Variants in SPOCK3 observed in about 807,000 individuals in gnomAD.
SPOCK3 encodes the protein testican-3.
Under a neutral mutation model 56.6 loss-of-function variants are expected in SPOCK3, and 30 were observed. The observed-to-expected ratio is 0.53, with a 90% CI of 0.40 to 0.72. The LOEUF (loss-of-function observed/expected upper bound fraction) is 0.72, where lower values mean the gene tolerates loss of function less well. SPOCK3 is among the 30% of genes least tolerant of loss of function. SPOCK3 has a pLI of 0.00. For synonymous variants in SPOCK3, 196 were observed against 183.3 expected (o/e 1.07, Z -0.56); for missense variants, 527 against 530.0 (o/e 0.99, Z 0.06).
intron 6 of SPOCK3, among the ~76,000 whole-genome samples, chr4:166,819,517 A>T (rs977802011): frequency 2.0e-5 from 3 of 152,128 alleles, no homozygotes; most frequent in African/African-American, 7.2e-5. Flanking sequence ...GAACTAATAA[A>T]GGAGTTCAGT....
chr4:167,201,549 G>A (rs938008753), intron 2 of SPOCK3, among the ~76,000 whole-genome samples: 2 of 151,882 alleles, frequency 1.3e-5, no homozygotes, highest in East Asian at 1.9e-4. Context: ...TTTTGCAAGA[G>A]TAATACTGTC....
chr4:166,845,484 CTCA>C (rs1747965099), intron 6 of SPOCK3, among the ~76,000 whole-genome samples: 1 of 151,754 alleles, frequency 6.6e-6, no homozygotes, highest in African/African-American at 2.4e-5. Context: ...TATATTTTTT[CTCA>C]TATTTCAGAA....
chr4:167,058,717 A>G (rs1298927942), intron 3 of SPOCK3, among the ~76,000 whole-genome samples: 1 of 152,204 alleles, frequency 6.6e-6, no homozygotes, highest in African/African-American at 2.4e-5. Flanking sequence ...AAATGAACAA[A>G]GCTGGAGGCA....
At position 166,772,733 on chromosome 4, in the gene SPOCK3, G is replaced by T. The variant is rs550923509; in HGVS notation, c.710-18004C>A. Among the ~76,000 whole-genome samples, 4 of 152,168 alleles carry T rather than the reference G, an allele frequency of 2.6e-5. No homozygotes were observed. In the South Asian group the frequency reaches 8.3e-4, roughly 32 times the overall value. Reference sequence around the variant, plus strand: ...CAGAGCTGTGCAAAAACTACTTTTAGATTGAATTCAGATTCCTAGATATGA... The same window carrying T: ...CAGAGCTGTGCAAAAACTACTTTTATATTGAATTCAGATTCCTAGATATGA... On this transcript the variant is annotated intron_variant, in intron 7 of 10. Transcript: ENST00000357545.
chr4:167,205,441 TA>T (rs1397907649), intron 2 of SPOCK3, among the ~76,000 whole-genome samples: 5 of 50,550 alleles, frequency 9.9e-5, no homozygotes, highest in Admixed American at 3.9e-4. Context: ...ATATATAATA[TA>T]ATATATATTA....
At chr4:167,122,991 G>T (rs1761984105) in intron 2 of SPOCK3, among the ~76,000 whole-genome samples, 1 of 151,628 alleles carries the variant, frequency 6.6e-6, no homozygotes, top group Non-Finnish European at 1.5e-5. Flanking sequence ...AGTTTTCAGA[G>T]CTAAAGAGAT....
At chr4:166,840,766 C>G (rs1203871485) in intron 6 of SPOCK3, among the ~76,000 whole-genome samples, 1 of 99,676 alleles carries the variant, frequency 1.0e-5, no homozygotes, top group Non-Finnish European at 2.0e-5. Context: ...TTCCCAGAAG[C>G]AAAAGTTTTT....
At chr4:167,176,072 G>T (rs890464344) in intron 2 of SPOCK3, among the ~76,000 whole-genome samples, 15 of 151,956 alleles carry the variant, frequency 9.9e-5, no homozygotes, top group Admixed American at 5.3e-4. Context: ...GTTTCTAGAG[G>T]TTGTCTGCAT....
At chr4:167,116,703 T>C (rs1312194610) in intron 2 of SPOCK3, among the ~76,000 whole-genome samples, 1 of 119,640 alleles carries the variant, frequency 8.4e-6, no homozygotes, top group Non-Finnish European at 1.7e-5. Flanking sequence ...ATAGTATATA[T>C]ACGTATATAG....
At chr4:167,165,773 T>G (rs192565748) in intron 2 of SPOCK3, among the ~76,000 whole-genome samples, 3 of 152,046 alleles carry the variant, frequency 2.0e-5, no homozygotes, top group Non-Finnish European at 4.4e-5. Flanking sequence ...CACACCAAAC[T>G]ATTATAGATC....
At chr4:166,915,222 A>G (rs1737716180) in intron 4 of SPOCK3, among the ~76,000 whole-genome samples, 1 of 152,122 alleles carries the variant, frequency 6.6e-6, no homozygotes, top group Non-Finnish European at 1.5e-5. Flanking sequence ...TGTATCCTAG[A>G]TGATGAGTTG....
At chr4:167,116,913 G>GTATATA (rs70957813) in intron 2 of SPOCK3, among the ~76,000 whole-genome samples, 66 of 121,532 alleles carry the variant, frequency 5.4e-4, no homozygotes, top group African/African-American at 1.9e-3. Flanking sequence ...GTGTGTGTGT[G>GTATATA]TATATATATA....
intron 2 of SPOCK3, among the ~76,000 whole-genome samples, chr4:167,109,747 C>A (rs553052929): frequency 2.7e-5 from 4 of 149,800 alleles, no homozygotes; most frequent in Admixed American, 1.3e-4. Flanking sequence ...AAAAACAAGA[C>A]CTTAAAGAAG....
At chr4:167,158,845 A>C (rs1292652141) in intron 2 of SPOCK3, among the ~76,000 whole-genome samples, 1 of 152,058 alleles carries the variant, frequency 6.6e-6, no homozygotes, top group Non-Finnish European at 1.5e-5. Flanking sequence ...GTAAATGTTC[A>C]TCAAAATATT....
rs140005899 is a variant in SPOCK3 at position 166,829,818 on chromosome 4, T to C, written c.590-37529A>G. The stretch of plus-strand genomic sequence containing the variant: ...CTGTTTTACACCAGGAGTTGTCTAA[T>C]AGTATCTTATTACTTATCTCCCAAG... On this transcript the variant is annotated intron_variant, in intron 6 of 10. Transcript: ENST00000357545. 3.0e-4 allele frequency among the ~76,000 whole-genome samples: 45 copies of C among 152,228 alleles called. No individual in the cohort carries two copies. In the East Asian group the frequency reaches 8.5e-3, roughly 29 times the overall value.
At chr4:166,905,434 G>C (rs1040370331) in intron 5 of SPOCK3, among the ~76,000 whole-genome samples, 1 of 151,942 alleles carries the variant, frequency 6.6e-6, no homozygotes, top group Non-Finnish European at 1.5e-5. Context: ...AGTAACAAAA[G>C]ATGTAGACAC....
At chr4:166,910,801 T>C (rs931205825) in intron 5 of SPOCK3, among the ~76,000 whole-genome samples, 3 of 152,156 alleles carry the variant, frequency 2.0e-5, no homozygotes, top group Non-Finnish European at 4.4e-5. Flanking sequence ...GAGAAAGACA[T>C]ACTTCTACTT....
At chr4:167,146,966 G>A (rs949126933) in intron 2 of SPOCK3, among the ~76,000 whole-genome samples, 9 of 151,742 alleles carry the variant, frequency 5.9e-5, no homozygotes, top group East Asian at 1.9e-4. Flanking sequence ...AGATCAGACC[G>A]GAACTAAAGG....
chr4:167,144,367 T>G (rs906999765), intron 2 of SPOCK3, among the ~76,000 whole-genome samples: 4 of 151,962 alleles, frequency 2.6e-5, no homozygotes, highest in African/African-American at 4.8e-5. Flanking sequence ...CTGTGTAAAA[T>G]TATGCACTAA....
Sources: allele counts gnomAD v4.1 joint callset (sites outside exome capture counted in the v4.1 genomes callset), GRCh38; gene constraint gnomAD v4.1.1; transcripts MANE v1.5; gene names NCBI Gene and HGNC (gene_info 2026-07-23, HGNC 2026-07-21).